The following CEP128 variants were observed in gnomAD, a reference collection of about 807,000 sequenced individuals.
The protein encoded by CEP128 is centrosomal protein 128kDa.
In CEP128, 132 loss-of-function variants were observed where a neutral mutation model predicts 156.7. That is an observed-to-expected ratio of 0.84 (90% CI 0.73 to 0.97). The LOEUF is 0.97. Among genes scored for constraint, CEP128 ranks in the 50% least tolerant of loss-of-function variants. CEP128 has a pLI of 0.00. For missense variants in CEP128, 1,252 were observed against 1,281.9 expected, an observed-to-expected ratio of 0.98 and a Z score of 0.36; for synonymous variants, 469 against 448.9, an observed-to-expected ratio of 1.04 and a Z score of -0.57.
intron 19 of CEP128, among the ~76,000 whole-genome samples, chr14:80,596,961 GA>G (rs2140511204): frequency 6.7e-6 from 1 of 150,358 alleles, no homozygotes; most frequent in Admixed American, 6.7e-5. Context: ...GCATGCATTT[GA>G]AAAGAGGAAA....
chr14:80,902,134 T>TAG (rs1344908524), intron 6 of CEP128, among the ~76,000 whole-genome samples: 3 of 152,214 alleles, frequency 2.0e-5, no homozygotes, highest in African/African-American at 7.2e-5. Context: ...GCCCTATGCA[T>TAG]CTTTCCACTA....
downstream of CEP128, among the ~76,000 whole-genome samples, chr14:80,495,033 TAGGGAGAA>T (rs1887445887): frequency 6.6e-6 from 1 of 152,172 alleles, no homozygotes; most frequent in Admixed American, 6.6e-5. Flanking sequence ...TTAGTGTGTT[TAGGGAGAA>T]AGATGGCCAG....
chr14:80,831,484 CATCAAATATT>C (rs1885797938), intron 12 of CEP128, among the ~76,000 whole-genome samples, 190 bp from the exon 13 acceptor site: 1 of 152,010 alleles, frequency 6.6e-6, no homozygotes, highest in African/African-American at 2.4e-5. Context: ...ATTGCTATAT[CATCAAATATT>C]ATTCCAGTTT....
chr14:80,684,221 T>G (rs146185806), intron 19 of CEP128, among the ~76,000 whole-genome samples: 1 of 151,562 alleles, frequency 6.6e-6, no homozygotes, highest in Admixed American at 6.6e-5. Flanking sequence ...GGGAAAAAAA[T>G]AGAAGATGCA....
chr14:80,521,928 T>A (rs187623154), intron 23 of CEP128, among the ~76,000 whole-genome samples: 1 of 152,312 alleles, frequency 6.6e-6, no homozygotes, highest in Non-Finnish European at 1.5e-5. Context: ...AATCTCTGTA[T>A]AGGGGAGGCT....
chr14:80,737,482 A>G (rs1410893319), intron 19 of CEP128, among the ~76,000 whole-genome samples: 1 of 152,158 alleles, frequency 6.6e-6, no homozygotes, highest in African/African-American at 2.4e-5. Flanking sequence ...TAAATAACTG[A>G]TGAGTTTTAA....
At chr14:80,768,758 C>CA (rs1023324783) in intron 16 of CEP128, among the ~76,000 whole-genome samples, 23 of 152,002 alleles carry the variant, frequency 1.5e-4, no homozygotes, top group Admixed American at 4.6e-4. Context: ...AAACCAGAAT[C>CA]AAAAAAATGG....
chr14:80,482,128 T>C (rs1014048974), intron 14 of CEP128, among the ~76,000 whole-genome samples: 5 of 152,196 alleles, frequency 3.3e-5, no homozygotes, highest in African/African-American at 7.2e-5. Flanking sequence ...TTCTGTTAGA[T>C]TGCATTCATT....
At chr14:80,528,211 T>C (rs1188722293) in intron 22 of CEP128, among the ~76,000 whole-genome samples, 2 of 152,360 alleles carry the variant, frequency 1.3e-5, no homozygotes, top group East Asian at 3.9e-4. Context: ...TGTGGCAGAT[T>C]GGACTTAGAA....
At chr14:80,838,930 T>C (rs58594627) in intron 10 of CEP128, among the ~76,000 whole-genome samples, 3,367 of 152,154 alleles carry the variant, frequency 0.022, 131 homozygotes, top group African/African-American at 0.076. Flanking sequence ...AAACCCCATC[T>C]CTACTAAAAA....
intron 19 of CEP128, among the ~76,000 whole-genome samples, chr14:80,618,910 C>T (rs1468665451): frequency 2.0e-5 from 3 of 152,156 alleles, no homozygotes; most frequent in Non-Finnish European, 4.4e-5. Flanking sequence ...GGTCGATAAA[C>T]CAAACTGTGA....
chr14:80,686,116 A>T (rs898929281), intron 19 of CEP128, among the ~76,000 whole-genome samples: 11 of 152,082 alleles, frequency 7.2e-5, no homozygotes, highest in African/African-American at 2.4e-4. Context: ...GGACTAAATG[A>T]ATTAACTTTT....
intron 19 of CEP128, among the ~76,000 whole-genome samples, chr14:80,590,839 T>G (rs1182761520): frequency 6.6e-6 from 1 of 152,116 alleles, no homozygotes; most frequent in Non-Finnish European, 1.5e-5. Flanking sequence ...CAGAAGAAAG[T>G]GGGGGCCAAT....
chr14:80,675,882 T>A (rs975182965), intron 19 of CEP128, among the ~76,000 whole-genome samples: 26 of 152,132 alleles, frequency 1.7e-4, no homozygotes, highest in African/African-American at 6.0e-4. Flanking sequence ...GGCTTTTACA[T>A]CTATTCCTGT....
rs182028182 is a variant in CEP128, at chr14:80,544,150, T to C, written c.2881-13264A>G. On this transcript the variant is annotated intron_variant, in intron 21 of 24. Transcript: ENST00000555265. ...GCTGACCAGATTCAGCTCAAGAACATTCTTTGGGTTTCTGAATGAAAATAG... is the reference window on the plus strand; with the variant it reads ...GCTGACCAGATTCAGCTCAAGAACACTCTTTGGGTTTCTGAATGAAAATAG... Among the ~76,000 whole-genome samples, 258 of 152,290 alleles carry C rather than the reference T, an allele frequency of 1.7e-3. 1 individual carries two copies. The highest frequency in any genetic ancestry group is 5.8e-3 in the African/African-American group (240 of 41,572).
intron 2 of CEP128, among the ~76,000 whole-genome samples, chr14:80,924,646 A>C (rs78875788): frequency 6.6e-6 from 1 of 152,270 alleles, no homozygotes; most frequent in South Asian, 2.1e-4. Flanking sequence ...AGAGAAAAGT[A>C]GACAGGATCC....
At chr14:80,800,348 C>T (rs1224518903) in intron 13 of CEP128, among the ~76,000 whole-genome samples, 1 of 152,048 alleles carries the variant, frequency 6.6e-6, no homozygotes, top group Non-Finnish European at 1.5e-5. Context: ...TTTAGGAACT[C>T]GATAAAGAGA....
Position 80,774,528 on chromosome 14 carries a change from G to A in CEP128, c.2376+3354C>T, listed in dbSNP as rs139938121. ...TTCATTGAAAACATATTTTTATTTC[G>A]TTTTCTTGCTTTTATCTGCCCCAGA... is the stretch of plus-strand genomic sequence containing the variant. On this transcript the variant is annotated intron_variant, in intron 16 of 24. Transcript: ENST00000555265. Among the ~76,000 whole-genome samples the A allele has an allele frequency of 1.2e-3, 186 of 151,846 alleles. 1 individual carries two copies. The highest frequency in any genetic ancestry group is 3.5e-3 in the African/African-American group (145 of 41,370).
chr14:80,625,975 T>C (rs1408627379), intron 19 of CEP128, among the ~76,000 whole-genome samples: 1 of 152,142 alleles, frequency 6.6e-6, no homozygotes, highest in Non-Finnish European at 1.5e-5. Context: ...CTTTAAAAAG[T>C]CATAAAATAC....
Sources: allele counts gnomAD v4.1 joint callset (sites outside exome capture counted in the v4.1 genomes callset), GRCh38; gene constraint gnomAD v4.1.1; transcripts MANE v1.5; gene names NCBI Gene and HGNC (gene_info 2026-07-23, HGNC 2026-07-21).